ELAPOR2: variants seen among roughly 807,000 people sequenced by gnomAD.
ELAPOR2 encodes the protein endosome/lysosome-associated apoptosis and autophagy regulator family member 2.
Under a neutral mutation model 120.7 loss-of-function variants are expected in ELAPOR2, and 89 were observed. The ratio of observed to expected loss-of-function variants is 0.74; its 90% CI spans 0.62 to 0.88. The LOEUF (loss-of-function observed/expected upper bound fraction) is 0.88. Ranked by LOEUF, ELAPOR2 falls within the 40% of genes least tolerant of loss-of-function variation. ELAPOR2 has a pLI of 0.00. For synonymous variants in ELAPOR2, 444 were observed against 444.9 expected, an observed-to-expected ratio of 1.00 and a Z score of 0.03; for missense variants, 1,134 against 1,251.6, an observed-to-expected ratio of 0.91 and a Z score of 1.42.
At chr7:86,985,662 A>G (rs1305205983) in intron 1 of ELAPOR2, among the ~76,000 whole-genome samples, 1 of 152,170 alleles carries the variant, frequency 6.6e-6, no homozygotes, top group East Asian at 1.9e-4. Flanking sequence ...AAAACTCTCA[A>G]TACACTAGGT....
At chr7:86,936,846 A>G (rs1239667874) in intron 8 of ELAPOR2, among the ~76,000 whole-genome samples, 3 of 152,126 alleles carry the variant, frequency 2.0e-5, no homozygotes, top group South Asian at 2.1e-4. Context: ...CAGCTTTTGC[A>G]TATTTTCATT....
At chr7:86,939,013 A>C (rs1790689577) in intron 6 of ELAPOR2, 53 bp from the exon 7 acceptor site, 1 of 1,597,752 alleles carries the variant, frequency 6.3e-7, no homozygotes, top group South Asian at 1.1e-5. Flanking sequence ...ACCAATAAGC[A>C]AATCAGCACC....
chr7:87,041,175 T>C (rs938338766), intron 1 of ELAPOR2, among the ~76,000 whole-genome samples: 1 of 152,110 alleles, frequency 6.6e-6, no homozygotes, highest in Non-Finnish European at 1.5e-5. Flanking sequence ...TGGAACCAAG[T>C]TGGAAAACAC....
At chr7:87,039,332 C>T (rs1344875970) in intron 1 of ELAPOR2, among the ~76,000 whole-genome samples, 3 of 152,118 alleles carry the variant, frequency 2.0e-5, no homozygotes, top group Non-Finnish European at 4.4e-5. Flanking sequence ...CCAAACATTT[C>T]AAGAAGAACT....
chr7:86,990,140 G>C (rs1295592370), intron 1 of ELAPOR2, among the ~76,000 whole-genome samples: 1 of 151,954 alleles, frequency 6.6e-6, no homozygotes, highest in Non-Finnish European at 1.5e-5. Context: ...TCCGCCTCCT[G>C]GGTTCATGCC....
At chr7:86,914,553 A>C (rs1186287722) in intron 13 of ELAPOR2, among the ~76,000 whole-genome samples, 170 bp downstream of exon 13, 1 of 152,232 alleles carries the variant, frequency 6.6e-6, no homozygotes, top group Non-Finnish European at 1.5e-5. Context: ...TACTCTCAAA[A>C]AATAAAAAAT....
At chr7:87,049,457 A>AT (rs1562986561) in intron 1 of ELAPOR2, among the ~76,000 whole-genome samples, 1 of 151,666 alleles carries the variant, frequency 6.6e-6, no homozygotes. Context: ...AATTTTTTGT[A>AT]TTTTTTTGTA....
Position 86,938,938 on chromosome 7 carries a change from A to G in ELAPOR2, c.870T>C (p.Cys290=), listed in dbSNP as rs1427646042. The G allele has an allele frequency of 1.2e-6, 2 of 1,613,000 alleles. No individual in the cohort carries two copies. The highest frequency in any genetic ancestry group is 3.3e-5 in the Admixed American group (2 of 59,864). ...TIEGVAYTSE[C]FPCKPGTFSN... is the part of the protein sequence containing the mutation. ...TGAATGTGCCTGGCTTGCAAGGAAAACATTCTGATGTGTACGCCACCCCTG... is the reference window on the plus strand; with the variant it reads ...TGAATGTGCCTGGCTTGCAAGGAAAGCATTCTGATGTGTACGCCACCCCTG... Residue 290 remains cysteine, a synonymous_variant, in exon 7 of 22, where the codon TGT becomes TGC. Transcript: ENST00000450689.
rs79150397 is a variant in ELAPOR2, at chr7:86,890,513, G to A, written c.3030+1211C>T. ...TGATATCATTTCCTCTGCAAATAGC[G>A]CTGTGGGAACACAGCCTTGTGGGCT... On this transcript the variant is annotated intron_variant, in intron 21 of 21. Coordinates refer to ENST00000450689, the MANE Select transcript of ELAPOR2 (RefSeq NM_001142749.3). Among the ~76,000 whole-genome samples, 910 of 152,068 alleles carry A rather than the reference G, an allele frequency of 6.0e-3. 10 individuals carry two copies. Among genetic ancestry groups the A allele is most frequent in the African/African-American group, 0.021 (866 of 41,492 alleles).
intron 20 of ELAPOR2, among the ~76,000 whole-genome samples, chr7:86,892,151 A>G (rs1263277595): frequency 6.6e-6 from 1 of 152,040 alleles, no homozygotes; most frequent in Non-Finnish European, 1.5e-5. Context: ...CCAATAATGA[A>G]AAAATTGGGG....
intron 5 of ELAPOR2, among the ~76,000 whole-genome samples, chr7:86,940,755 C>T (rs1342155969): frequency 6.6e-6 from 1 of 151,796 alleles, no homozygotes; most frequent in African/African-American, 2.4e-5. Context: ...TTAAGAGTTC[C>T]TTGCTTTCTT....
chr7:86,994,630 G>A (rs1793063651), intron 1 of ELAPOR2, among the ~76,000 whole-genome samples: 1 of 152,110 alleles, frequency 6.6e-6, no homozygotes, highest in South Asian at 2.1e-4. Context: ...CACTGAGCTT[G>A]GGCAGGGTGG....
chr7:86,888,162 A>T (rs530293630), intron 21 of ELAPOR2, among the ~76,000 whole-genome samples: 2 of 152,184 alleles, frequency 1.3e-5, no homozygotes, highest in South Asian at 4.1e-4. Flanking sequence ...CTGCCCCCCA[A>T]GTCCCCCTAT....
chr7:87,018,234 T>A (rs553960349), intron 1 of ELAPOR2, among the ~76,000 whole-genome samples: 7 of 152,010 alleles, frequency 4.6e-5, no homozygotes, highest in African/African-American at 1.7e-4. Context: ...AGAGACAGGA[T>A]TTCACCATCT....
Position 86,919,239 on chromosome 7 carries a change from A to T in ELAPOR2, c.1471T>A (p.Leu491Met). The stretch of plus-strand genomic sequence containing the variant: ...CCTTACTTAAATCCTGGGATATGCA[A>T]GTTTAAGATCAGGTAATCATTGTCA... ...GSDNDYLILNLHIPGFKPPTS... is the reference protein window; with the variant it reads ...GSDNDYLILNMHIPGFKPPTS... The change falls in exon 11 of 22, where the codon TTG (leucine) becomes ATG (methionine). Residue 491 changes from leucine to methionine, a missense_variant. Leu to Met is a conservative substitution (Grantham distance 15). Around this residue, in one of 3 missense-constraint regions of ELAPOR2, gnomAD observed 831 missense variants for 867.6 expected, o/e 0.96. Coordinates refer to ENST00000450689, the MANE Select transcript of ELAPOR2 (RefSeq NM_001142749.3). The T allele has an allele frequency of 6.2e-7, 1 of 1,611,500 alleles. No homozygotes were observed. Among genetic ancestry groups the T allele is most frequent in the South Asian group, 1.1e-5 (1 of 90,888 alleles).
chr7:86,925,976 G>A (rs1246731194), intron 9 of ELAPOR2, among the ~76,000 whole-genome samples: 2 of 151,924 alleles, frequency 1.3e-5, no homozygotes, highest in East Asian at 3.9e-4. Flanking sequence ...CATAAAAAGA[G>A]TAACTATGAA....
chr7:86,993,278 G>T (rs964089123), intron 1 of ELAPOR2, among the ~76,000 whole-genome samples: 3 of 139,436 alleles, frequency 2.2e-5, no homozygotes, highest in African/African-American at 8.1e-5. Context: ...GAAAGAAAAA[G>T]AAAAAAGAAA....
At chr7:86,946,159 T>TCTCACACACACACACACACA (rs148805286) in intron 3 of ELAPOR2, among the ~76,000 whole-genome samples, 26 of 146,290 alleles carry the variant, frequency 1.8e-4, no homozygotes, top group African/African-American at 6.3e-4. Context: ...ATACCATTTC[T>TCTCACACACACACACACACA]CACACACACA....
intron 9 of ELAPOR2, 108 bp from the exon 10 acceptor site, chr7:86,925,764 A>G (rs1027972714): frequency 3.7e-5 from 37 of 1,004,392 alleles, no homozygotes; most frequent in Middle Eastern, 2.1e-4. Flanking sequence ...AGAGAAGTGG[A>G]AAAAAAAGAT....
Sources: gnomAD v4.1 joint callset for allele counts (sites outside exome capture counted in the v4.1 genomes callset) on GRCh38, gnomAD v4.1.1 for gene constraint, gnomAD v4.1.1 regional missense constraint, MANE v1.5 for transcripts, NCBI Gene and HGNC (gene_info 2026-07-23, HGNC 2026-07-21) for gene names.